The following TMEM132D variants were observed in gnomAD, a reference collection of about 807,000 sequenced individuals.
The protein encoded by TMEM132D is transmembrane protein 132D, also known as mature OL transmembrane protein.
Under a neutral mutation model 62.3 loss-of-function variants are expected in TMEM132D, and 21 were observed. That is an observed-to-expected ratio of 0.34 (90% CI 0.24 to 0.49). TMEM132D has a LOEUF of 0.49. Ranked by LOEUF, TMEM132D falls within the 20% of genes least tolerant of loss-of-function variation. TMEM132D has a pLI of 0.99. For missense variants in TMEM132D, 1,346 were observed against 1,402.8 expected (o/e 0.96, Z 0.65); for synonymous variants, 621 against 575.6 (o/e 1.08, Z -1.13).
chr12:129,445,655 C>T (rs1873075892), intron 3 of TMEM132D, among the ~76,000 whole-genome samples: 1 of 152,084 alleles, frequency 6.6e-6, no homozygotes, highest in Admixed American at 6.5e-5. Flanking sequence ...CTGAATTTTC[C>T]AGGTCATGGG....
chr12:129,203,435 G>A (rs749139212), intron 5 of TMEM132D, among the ~76,000 whole-genome samples: 3 of 152,200 alleles, frequency 2.0e-5, no homozygotes, highest in Non-Finnish European at 2.9e-5. Context: ...AGAGCTTCTG[G>A]TCCAGTGGCC....
intron 3 of TMEM132D, among the ~76,000 whole-genome samples, chr12:129,392,480 A>G (rs1871313838): frequency 6.6e-6 from 1 of 152,214 alleles, no homozygotes; most frequent in African/African-American, 2.4e-5. Flanking sequence ...CTTCCTCCTC[A>G]AAGAGATTCT....
rs992246343 is a variant in TMEM132D, at chr12:129,371,458, G to C, written c.1116-33641C>G. Among the ~76,000 whole-genome samples the C allele has an allele frequency of 6.6e-6, 1 of 151,852 alleles. No individual in the cohort carries two copies. The highest frequency in any genetic ancestry group is 1.5e-5 in the Non-Finnish European group (1 of 67,984). Reference sequence around the variant, plus strand: ...ATGATGATGTGATATTGATGATGGTGGTAATGACGATGATGATGTGATAAT... The same window carrying C: ...ATGATGATGTGATATTGATGATGGTCGTAATGACGATGATGATGTGATAAT... On this transcript the variant is annotated intron_variant, in intron 3 of 8. Coordinates refer to ENST00000422113, the MANE Select transcript of TMEM132D (RefSeq NM_133448.3). This position sits in a 1 kb window ranked among gnomAD's most constrained non-coding sequence, Gnocchi z 4.3.
intron 1 of TMEM132D, among the ~76,000 whole-genome samples, chr12:129,880,787 G>A (rs61940261): frequency 0.034 from 5,186 of 152,142 alleles, 141 homozygotes; most frequent in South Asian, 0.089. Context: ...TAAGAAGCAT[G>A]CAGAGAAAAG....
chr12:129,292,354 T>C (rs1038109932), intron 4 of TMEM132D, among the ~76,000 whole-genome samples: 2 of 152,206 alleles, frequency 1.3e-5, no homozygotes, highest in Non-Finnish European at 1.5e-5. Flanking sequence ...TATCTGAAAG[T>C]AGCTGTAACT....
At chr12:129,565,892 G>C (rs1877354605) in intron 2 of TMEM132D, among the ~76,000 whole-genome samples, 1 of 152,230 alleles carries the variant, frequency 6.6e-6, no homozygotes. Context: ...CTCACAATGT[G>C]AGAAGTGCCA....
At chr12:129,711,294 A>G (rs1649674020) in intron 1 of TMEM132D, among the ~76,000 whole-genome samples, 1 of 152,200 alleles carries the variant, frequency 6.6e-6, no homozygotes, top group Non-Finnish European at 1.5e-5. Context: ...ACATCTGTGT[A>G]CAATCCACAA....
At chr12:129,373,560 A>G (rs1870686403) in intron 3 of TMEM132D, among the ~76,000 whole-genome samples, 1 of 152,152 alleles carries the variant, frequency 6.6e-6, no homozygotes, top group African/African-American at 2.4e-5. Flanking sequence ...TGAACCCGGG[A>G]GGCGGAGCTT....
chr12:129,896,977 T>C (rs145074278), intron 1 of TMEM132D, among the ~76,000 whole-genome samples: 3 of 152,174 alleles, frequency 2.0e-5, no homozygotes, highest in Non-Finnish European at 2.9e-5. Flanking sequence ...TCAAGGGCCT[T>C]CCTTCTCCAT....
At chr12:129,315,766 G>C (rs1868468178) in intron 4 of TMEM132D, among the ~76,000 whole-genome samples, 1 of 151,860 alleles carries the variant, frequency 6.6e-6, no homozygotes, top group Non-Finnish European at 1.5e-5. Flanking sequence ...GAAAGTGTCT[G>C]GTCTTGGACT....
rs1565972138 is a variant in TMEM132D at position 129,125,499 on chromosome 12, A to ATTTTTTT, written c.1444-40798_1444-40797insAAAAAAA. Among the ~76,000 whole-genome samples the ATTTTTTT allele has an allele frequency of 6.3e-5, 8 of 127,834 alleles. 2 individuals carry two copies. The highest frequency in any genetic ancestry group is 8.2e-5 in the Admixed American group (1 of 12,154). The allele number at this position is 127,834 out of a possible 152,430, so 83.9% of individuals were successfully genotyped here. On this transcript the variant is annotated intron_variant, in intron 5 of 8. Coordinates refer to ENST00000422113, the MANE Select transcript of TMEM132D (RefSeq NM_133448.3). Reference sequence around the variant, plus strand: ...GATGTGACGATGTCGAATTACTATGAGTTTTTTTTTTTTTTTTTTTTTTGA... The same window carrying ATTTTTTT: ...GATGTGACGATGTCGAATTACTATGATTTTTTTGTTTTTTTTTTTTTTTTTTTTTTGA...
At position 129,747,620 on chromosome 12, in the gene TMEM132D, A is replaced by G. The variant is rs562566060; in HGVS notation, c.80-46922T>C. ...CACACTTGACATACAGACACACACA[A>G]CACAGACACACACAGTCAGATACAT... On this transcript the variant is annotated intron_variant, in intron 1 of 8. Transcript: ENST00000422113. Among the ~76,000 whole-genome samples the G allele has an allele frequency of 7.3e-5, 11 of 149,768 alleles. No homozygotes were observed. In the South Asian group the frequency reaches 2.1e-3, roughly 29 times the overall value.
chr12:129,744,291 G>A (rs905463903), intron 1 of TMEM132D, among the ~76,000 whole-genome samples: 2 of 152,080 alleles, frequency 1.3e-5, no homozygotes, highest in Non-Finnish European at 2.9e-5. Flanking sequence ...TGTTGAGATC[G>A]CTCCAAGGAT....
At position 129,573,203 on chromosome 12, in the gene TMEM132D, A is replaced by G. The variant is rs114284177; in HGVS notation, c.969-41998T>C. Among the ~76,000 whole-genome samples, 806 of 152,214 alleles carry G rather than the reference A, an allele frequency of 5.3e-3. 7 individuals are homozygous for G. The highest frequency in any genetic ancestry group is 0.019 in the African/African-American group (769 of 41,542). ...GGGCTCATCGGCCAGCTGTGGACTC[A>G]CTACTGTGAGGATGGTTGTGGGCCG... On this transcript the variant is annotated intron_variant, in intron 2 of 8. Coordinates refer to ENST00000422113, the MANE Select transcript of TMEM132D (RefSeq NM_133448.3).
chr12:129,076,883 G>A (rs920426562), intron 8 of TMEM132D, among the ~76,000 whole-genome samples: 5 of 152,196 alleles, frequency 3.3e-5, no homozygotes, highest in Non-Finnish European at 7.3e-5. Context: ...GTCCGCTGAT[G>A]TTATCACCCA....
At chr12:129,189,527 T>A (rs568516067) in intron 5 of TMEM132D, among the ~76,000 whole-genome samples, 4 of 152,224 alleles carry the variant, frequency 2.6e-5, no homozygotes, top group Non-Finnish European at 5.9e-5. Context: ...TGAGGGCTGC[T>A]GTGGCCTGGA....
At chr12:129,499,450 A>G (rs2137065953) in intron 3 of TMEM132D, among the ~76,000 whole-genome samples, 1 of 152,376 alleles carries the variant, frequency 6.6e-6, no homozygotes. Context: ...TTTCAGTAAT[A>G]GAAATGTGAT....
At chr12:129,481,776 T>A (rs1460038128) in intron 3 of TMEM132D, among the ~76,000 whole-genome samples, 1 of 152,124 alleles carries the variant, frequency 6.6e-6, no homozygotes, top group African/African-American at 2.4e-5. Flanking sequence ...AAATTAAAAC[T>A]GCACATATCC....
intron 3 of TMEM132D, among the ~76,000 whole-genome samples, chr12:129,390,398 TC>T (rs1871259236): frequency 6.6e-6 from 1 of 150,712 alleles, no homozygotes; most frequent in African/African-American, 2.5e-5. Flanking sequence ...TGGCTGAATG[TC>T]CATCCCCTCA....
Sources: allele counts gnomAD v4.1 joint callset (sites outside exome capture counted in the v4.1 genomes callset), GRCh38; gene constraint gnomAD v4.1.1; non-coding constraint Gnocchi (gnomAD v3.1); transcripts MANE v1.5; gene names NCBI Gene and HGNC (gene_info 2026-07-23, HGNC 2026-07-21).